The following TCF7L1 variants were observed in gnomAD, a reference collection of about 807,000 sequenced individuals.
TCF7L1 encodes the protein transcription factor 7-like 1.
TCF7L1 carries 18 observed loss-of-function variants against 63.7 expected under a neutral mutation model. The ratio of observed to expected loss-of-function variants is 0.28; its 90% CI spans 0.20 to 0.42. TCF7L1 has a LOEUF of 0.42. TCF7L1 is among the 10% of genes least tolerant of loss of function. The pLI is 1.00. For synonymous variants in TCF7L1, 355 were observed against 340.9 expected, an observed-to-expected ratio of 1.04 and a Z score of -0.46; for missense variants, 654 against 779.3, an observed-to-expected ratio of 0.84 and a Z score of 1.91.
At chr2:85,303,746 G>A in intron 5 of TCF7L1, 149 bp from the exon 6 acceptor site, 1 of 583,420 alleles carries the variant, frequency 1.7e-6, no homozygotes, top group South Asian at 2.4e-5. Flanking sequence ...AGAGCTGCTA[G>A]GGAGTTGACA....
intron 3 of TCF7L1, among the ~76,000 whole-genome samples, chr2:85,186,247 G>C (rs972246970): frequency 6.6e-6 from 1 of 152,078 alleles, no homozygotes; most frequent in Non-Finnish European, 1.5e-5. Flanking sequence ...GATTACAAGC[G>C]TGAGCCACCG....
At chr2:85,162,434 G>C (rs948854215) in intron 3 of TCF7L1, among the ~76,000 whole-genome samples, 2 of 152,086 alleles carry the variant, frequency 1.3e-5, no homozygotes, top group African/African-American at 4.8e-5. Context: ...CTGCTGGAAG[G>C]TCAGGCACTA....
chr2:85,306,555 A>G lies in TCF7L1; in HGVS notation c.1253A>G (p.Asn418Ser). ...TACCCAACCTGGTCAGCCCGGGACAACTATGTAAGTGCACACTCTGGGCAG... is the reference window on the plus strand; with the variant it reads ...TACCCAACCTGGTCAGCCCGGGACAGCTATGTAAGTGCACACTCTGGGCAG... ...QLYPTWSARD[N>S]YGKKKKRKRE... The change falls in exon 10 of 12, where the codon AAC becomes AGC. Residue 418 changes from asparagine to serine, a missense_variant. Physicochemically the swap from Asn to Ser is conservative, Grantham distance 46. This residue lies in a region of TCF7L1 where 66 missense variants were observed against 120.5 expected (regional missense o/e 0.55). Coordinates refer to ENST00000282111, the MANE Select transcript of TCF7L1 (RefSeq NM_031283.3). This position sits in a 1 kb window ranked among gnomAD's most constrained non-coding sequence, Gnocchi z 4.3. 6.2e-7 allele frequency: 1 copy of G among 1,614,174 alleles called. No individual in the cohort carries two copies. The highest frequency in any genetic ancestry group is 8.5e-7 in the Non-Finnish European group (1 of 1,179,992).
At chr2:85,300,918 T>C (rs1681955493) in intron 4 of TCF7L1, among the ~76,000 whole-genome samples, 4 of 151,970 alleles carry the variant, frequency 2.6e-5, no homozygotes, top group Admixed American at 2.6e-4. Context: ...TAGCTGGGAC[T>C]ATAGGCACAC....
rs1311920987 is a variant in TCF7L1 at position 85,309,755 on chromosome 2, T to G, written c.*293T>G. The G allele has an allele frequency of 3.0e-6, 1 of 335,570 alleles. No individual in the cohort carries two copies. Among genetic ancestry groups the G allele is most frequent in the Admixed American group, 4.5e-5 (1 of 22,088 alleles). 20.8% of individuals were successfully genotyped at this position (335,570 alleles called of 1,614,324 possible). A position where few individuals can be genotyped will look rare whatever the true frequency, so the allele number is the denominator to read the frequency against. On this transcript the variant is annotated 3_prime_UTR_variant, in exon 12 of 12. Transcript: ENST00000282111. ...GTGGATGGACCTGGGCAGAGGGCACTTCTCTCTCTTACCTCTCTTGCACTT... is the reference window on the plus strand; with the variant it reads ...GTGGATGGACCTGGGCAGAGGGCACGTCTCTCTCTTACCTCTCTTGCACTT...
At position 85,303,981 on chromosome 2, in the gene TCF7L1, G is replaced by A. The variant is rs369388973; in HGVS notation, c.745G>A (p.Gly249Ser). 8.6e-6 allele frequency: 12 copies of A among 1,401,696 alleles called. No individual in the cohort carries two copies. The highest frequency in any genetic ancestry group is 2.9e-5 in the East Asian group (1 of 35,062). The allele number at this position is 1,401,696 out of a possible 1,614,324, so 86.8% of individuals were successfully genotyped here. A position where few individuals can be genotyped will look rare whatever the true frequency, so the allele number is the denominator to read the frequency against. The change falls in exon 6 of 12, where the codon GGC (glycine) becomes AGC (serine). Residue 249 changes from glycine (G) to serine (S), a missense_variant. Transcript: ENST00000282111. ...TGTCGGACAAATCCCCCACCCCCTC[G>A]GCTGGCTCGTCCCACAGTAAGGAAC... is the stretch of plus-strand genomic sequence containing the variant. ...GAVGQIPHPL[G>S]WLVPQQGQPM...
Position 85,133,717 on chromosome 2 carries a change from C to A in TCF7L1, c.33C>A (p.Gly11=). 1 of 1,145,002 alleles carries A rather than the reference C, an allele frequency of 8.7e-7. No individual in the cohort carries two copies. The highest frequency in any genetic ancestry group is 1.1e-6 in the Non-Finnish European group (1 of 933,220). 70.9% of individuals were successfully genotyped at this position (1,145,002 alleles called of 1,614,324 possible). Residue 11 remains glycine, a synonymous_variant, in exon 1 of 12, where the codon GGC becomes GGA. Coordinates refer to ENST00000282111, the MANE Select transcript of TCF7L1 (RefSeq NM_031283.3). This position sits in a 1 kb window ranked among gnomAD's most constrained non-coding sequence, Gnocchi z 4.4. ...AGCTCGGCGGCGGGGGCGGCGGCGG[C>A]GGCGGCGGCAGCGGGGGAGGCGGCG... MPQLGGGGGG[G]GGGSGGGGGS... is the part of the protein sequence containing the mutation.
At chr2:85,304,218 T>G in intron 6 of TCF7L1, 37 bp from the exon 7 acceptor site, 1 of 1,593,968 alleles carries the variant, frequency 6.3e-7, no homozygotes, top group Non-Finnish European at 8.6e-7. Flanking sequence ...GCCCTGAGCT[T>G]TCCCAATATG....
At chr2:85,263,307 G>T (rs1341605280) in intron 3 of TCF7L1, among the ~76,000 whole-genome samples, 1 of 149,692 alleles carries the variant, frequency 6.7e-6, no homozygotes, top group East Asian at 2.0e-4. Flanking sequence ...GCTTTTGTTG[G>T]GGGTAGGGTG....
At chr2:85,280,276 G>A (rs1681380545) in intron 3 of TCF7L1, among the ~76,000 whole-genome samples, 1 of 152,100 alleles carries the variant, frequency 6.6e-6, no homozygotes, top group South Asian at 2.1e-4. Context: ...CAAAGATGTT[G>A]TTAAACTTTC....
intron 3 of TCF7L1, among the ~76,000 whole-genome samples, chr2:85,226,467 G>T (rs1196726274): frequency 2.0e-5 from 3 of 152,184 alleles, no homozygotes; most frequent in African/African-American, 4.8e-5. Flanking sequence ...GCCAGGATTT[G>T]AATCTGGGCT....
intron 4 of TCF7L1, among the ~76,000 whole-genome samples, chr2:85,287,252 A>G (rs1017301338): frequency 1.3e-5 from 2 of 152,120 alleles, no homozygotes; most frequent in Admixed American, 1.3e-4. Context: ...AAATCTTATC[A>G]TTGACTCCAA....
Position 85,168,552 on chromosome 2 carries a change from G to A in TCF7L1, c.441+34102G>A, listed in dbSNP as rs531272941. On this transcript the variant is annotated intron_variant, in intron 3 of 11. Coordinates refer to ENST00000282111, the MANE Select transcript of TCF7L1 (RefSeq NM_031283.3). Reference sequence around the variant, plus strand: ...CGAGTCTGAGCACCATCCACCCACCGCCTGGTAGAGCTGCGTGGACTGAAC... The same window carrying A: ...CGAGTCTGAGCACCATCCACCCACCACCTGGTAGAGCTGCGTGGACTGAAC... 4.9e-4 allele frequency among the ~76,000 whole-genome samples: 75 copies of A among 152,076 alleles called. 1 individual carries two copies. Among genetic ancestry groups the A allele is most frequent in the Non-Finnish European group, 8.2e-4 (56 of 67,972 alleles).
intron 3 of TCF7L1, among the ~76,000 whole-genome samples, chr2:85,137,247 C>G (rs1371771677): frequency 6.6e-6 from 1 of 152,224 alleles, no homozygotes; most frequent in Non-Finnish European, 1.5e-5. Context: ...TCAGCAGCCT[C>G]ACCCACTGGC....
At chr2:85,293,599 G>T (rs894104480) in intron 4 of TCF7L1, among the ~76,000 whole-genome samples, 12 of 152,118 alleles carry the variant, frequency 7.9e-5, no homozygotes, top group African/African-American at 2.9e-4. Context: ...AGACTAATAC[G>T]TAGGGGCAAG....
At chr2:85,192,210 T>C (rs974757729) in intron 3 of TCF7L1, among the ~76,000 whole-genome samples, 1 of 152,208 alleles carries the variant, frequency 6.6e-6, no homozygotes, top group Non-Finnish European at 1.5e-5. Context: ...AATGACTACA[T>C]GTTTTCTATC....
At chr2:85,234,131 C>CTTTTTTTTTTTTTTTTTTTTTTTTTTTTT (rs35508338) in intron 3 of TCF7L1, among the ~76,000 whole-genome samples, 16 of 65,222 alleles carry the variant, frequency 2.5e-4, no homozygotes, top group Middle Eastern at 9.8e-3. Flanking sequence ...TTTTTCTTTT[C>CTTTTTTTTTTTTTTTTTTTTTTTTTTTTT]TTTTTTTTTT....
intron 3 of TCF7L1, among the ~76,000 whole-genome samples, chr2:85,216,558 C>T (rs1679717312): frequency 6.6e-6 from 1 of 152,266 alleles, no homozygotes; most frequent in Middle Eastern, 3.4e-3. Context: ...AACATACCAG[C>T]CCACAAACAT....
intron 3 of TCF7L1, among the ~76,000 whole-genome samples, chr2:85,257,403 C>T (rs757581088): frequency 2.0e-5 from 3 of 152,230 alleles, no homozygotes; most frequent in African/African-American, 7.2e-5. Context: ...AGGGCATCCT[C>T]GGACTGCCCA....
Sources: gnomAD v4.1 joint callset for allele counts (sites outside exome capture counted in the v4.1 genomes callset) on GRCh38, gnomAD v4.1.1 for gene constraint, gnomAD v4.1.1 regional missense constraint, Gnocchi (gnomAD v3.1) non-coding constraint, MANE v1.5 for transcripts, NCBI Gene and HGNC (gene_info 2026-07-23, HGNC 2026-07-21) for gene names.